Variants in PIR observed in about 807,000 individuals in gnomAD.
PIR encodes the protein pirin, also known as pirin (iron-binding nuclear protein).
Under a neutral mutation model 24.2 loss-of-function variants are expected in PIR, and 22 were observed. The ratio of observed to expected loss-of-function variants is 0.91; its 90% CI spans 0.65 to 1.30. The LOEUF (loss-of-function observed/expected upper bound fraction) is 1.30, where lower values mean the gene tolerates loss of function less well. Among genes scored for constraint, PIR ranks in the 50% most tolerant of loss-of-function variants. The probability of loss-of-function intolerance (pLI) is 0.00; values close to 1 mark genes in which losing one functional copy is unlikely to be tolerated. For synonymous variants in PIR, 80 were observed against 79.6 expected (o/e 1.00, Z -0.03); for missense variants, 220 against 220.3 (o/e 1.00, Z 0.01).
chrX:15,410,444 G>A (rs753152802), intron 6 of PIR, among the ~76,000 whole-genome samples: 1 of 111,536 alleles, frequency 9.0e-6, no homozygotes, highest in South Asian at 3.8e-4. Context: ...ATTAAAAAGT[G>A]GTTACCACAT....
In PIR at chrX:15,459,518, A is replaced by G. The variant is rs1409441902; in HGVS notation, c.273+139T>C. 16 of 427,106 alleles carry G rather than the reference A, an allele frequency of 3.7e-5. No individual in the cohort carries two copies. The East Asian group carries it at 5.4e-4, about 14-fold the overall frequency. 35.2% of individuals were successfully genotyped at this position (427,106 alleles called of 1,213,427 possible). A position where few individuals can be genotyped will look rare whatever the true frequency, so the allele number is the denominator to read the frequency against. ...ACCTGTGTGGTTTCCAGGCTGAGTA[A>G]AAGAATCTGTAGAAAAGGAAAAGTC... On this transcript the variant is annotated intron_variant, in intron 4 of 9. Transcript: ENST00000380420.
At chrX:15,479,648 G>T in intron 3 of PIR, 81 bp downstream of exon 3, 1 of 443,205 alleles carries the variant, frequency 2.3e-6, no homozygotes, top group Non-Finnish European at 3.8e-6. Context: ...ATTATTTATT[G>T]CTTTTAAAAT....
intron 9 of PIR, among the ~76,000 whole-genome samples, chrX:15,388,876 CA>C (rs1020061941): frequency 1.8e-5 from 2 of 111,899 alleles, no homozygotes; most frequent in African/African-American, 6.5e-5. Context: ...AAAATAAAAA[CA>C]AAATGCTTTG....
At chrX:15,483,508 C>T (rs895224020) in intron 2 of PIR, among the ~76,000 whole-genome samples, 7 of 111,151 alleles carry the variant, frequency 6.3e-5, no homozygotes, top group Admixed American at 9.6e-5. Context: ...TTCCTTTTCT[C>T]CTCTCCTCTC....
chrX:15,445,328 T>C (rs1926050672), intron 5 of PIR, among the ~76,000 whole-genome samples: 1 of 111,213 alleles, frequency 9.0e-6, no homozygotes, highest in Middle Eastern at 4.2e-3. Context: ...ACGATCATCT[T>C]GAACAATGAG....
At chrX:15,401,027 G>A (rs147729499) in intron 7 of PIR, among the ~76,000 whole-genome samples, 3,808 of 109,171 alleles carry the variant, frequency 0.035, 182 homozygotes, top group African/African-American at 0.12. Flanking sequence ...GTGAGCCACC[G>A]CGCCCTGCTG....
chrX:15,429,861 A>G (rs965447461), intron 5 of PIR: 10 of 103,118 alleles, frequency 9.7e-5, no homozygotes, highest in Non-Finnish European at 2.0e-4. Context: ...GTCTCAAGGG[A>G]AAAAAAAAAA....
At chrX:15,432,912 A>T (rs933466223) in intron 5 of PIR, among the ~76,000 whole-genome samples, 1 of 112,274 alleles carries the variant, frequency 8.9e-6, no homozygotes, top group Non-Finnish European at 1.9e-5. Context: ...GGGTATAAGG[A>T]TGGCCATCAT....
chrX:15,468,506 G>A (rs774955967), intron 3 of PIR, among the ~76,000 whole-genome samples: 1 of 112,711 alleles, frequency 8.9e-6, no homozygotes, highest in East Asian at 2.8e-4. Context: ...AGGTTTCAGA[G>A]ACTCATGTCG....
intron 5 of PIR, among the ~76,000 whole-genome samples, chrX:15,451,217 A>C (rs964954546): frequency 5.4e-5 from 6 of 111,147 alleles, no homozygotes; most frequent in Admixed American, 9.6e-5. Context: ...TATATCCACT[A>C]TTCTGGAGCT....
chrX:15,452,119 G>A (rs970529605), intron 5 of PIR, among the ~76,000 whole-genome samples: 1 of 111,751 alleles, frequency 8.9e-6, no homozygotes, highest in Non-Finnish European at 1.9e-5. Context: ...TGGGGCTGAG[G>A]CCTCCTCAAG....
intron 5 of PIR, among the ~76,000 whole-genome samples, chrX:15,434,642 G>A (rs1191319131): frequency 1.8e-5 from 2 of 110,025 alleles, no homozygotes; most frequent in African/African-American, 3.3e-5. Context: ...GTGACTGTGA[G>A]AGGGAATGGA....
chrX:15,396,796 A>T (rs996125737), intron 8 of PIR, among the ~76,000 whole-genome samples: 4 of 106,724 alleles, frequency 3.7e-5, no homozygotes, highest in Non-Finnish European at 5.8e-5. Context: ...GCTGGAGTGC[A>T]GTGGCGCAAT....
chrX:15,434,549 C>T (rs1925685602), intron 5 of PIR, among the ~76,000 whole-genome samples: 1 of 110,315 alleles, frequency 9.1e-6, no homozygotes, highest in African/African-American at 3.3e-5. Context: ...TTTCAATGGA[C>T]CAGTGTGGGT....
intron 5 of PIR, among the ~76,000 whole-genome samples, chrX:15,426,920 C>T (rs234498): frequency 0.24 from 26,814 of 110,593 alleles, 2,612 homozygotes; most frequent in East Asian, 0.5. Flanking sequence ...AAGACAGGCA[C>T]AAGTACCTTA....
intron 5 of PIR, among the ~76,000 whole-genome samples, chrX:15,431,844 C>T (rs1295200003): frequency 1.8e-5 from 2 of 110,544 alleles, no homozygotes; most frequent in African/African-American, 6.6e-5. Context: ...GTTATACTAA[C>T]TAACTTGCTT....
chrX:15,482,307 G>T (rs1922550632), intron 2 of PIR, among the ~76,000 whole-genome samples: 1 of 111,291 alleles, frequency 9.0e-6, no homozygotes, highest in African/African-American at 3.3e-5. Flanking sequence ...AAATGGTGGT[G>T]GTAGACATCC....
intron 7 of PIR, among the ~76,000 whole-genome samples, chrX:15,406,942 A>G (rs1924566610): frequency 8.9e-6 from 1 of 112,492 alleles, no homozygotes. Flanking sequence ...ACATCCACCA[A>G]TGCGTAACCC....
At chrX:15,413,150 T>C (rs1924800190) in intron 6 of PIR, among the ~76,000 whole-genome samples, 1 of 112,200 alleles carries the variant, frequency 8.9e-6, no homozygotes, top group Non-Finnish European at 1.9e-5. Context: ...TTAGGAGGTA[T>C]TTAACAAATA....
Sources: gnomAD v4.1 joint callset for allele counts (sites outside exome capture counted in the v4.1 genomes callset) on GRCh38, gnomAD v4.1.1 for gene constraint, MANE v1.5 for transcripts, NCBI Gene and HGNC (gene_info 2026-07-23, HGNC 2026-07-21) for gene names.